The following MFN1 variants were observed in gnomAD, a reference collection of about 807,000 sequenced individuals.
MFN1 encodes mitofusin 1, also known as mitofusin-1.
A neutral mutation model predicts 92.4 loss-of-function variants in MFN1; 65 were observed. That is an observed-to-expected ratio of 0.70 (90% confidence interval 0.58 to 0.86). MFN1 has a LOEUF of 0.86. Ranked by LOEUF, MFN1 falls within the 40% of genes least tolerant of loss-of-function variation. The pLI is 0.00. For synonymous variants in MFN1, 297 were observed against 300.9 expected (o/e 0.99, Z 0.13); for missense variants, 781 against 868.0 (o/e 0.90, Z 1.26).
chr3:179,378,917 C>A, intron 14 of MFN1, 103 bp downstream of exon 14: 2 of 860,312 alleles, frequency 2.3e-6, no homozygotes, highest in Non-Finnish European at 3.6e-6. Context: ...CATTTAAAAG[C>A]TAGTATCTAT....
intron 14 of MFN1, among the ~76,000 whole-genome samples, chr3:179,385,357 A>G (rs1484130772): frequency 6.6e-6 from 1 of 151,562 alleles, no homozygotes; most frequent in African/African-American, 2.4e-5. Context: ...CCCATTGTAT[A>G]TTATGAAAAT....
At chr3:179,362,896 G>A (rs532664458) in intron 5 of MFN1, among the ~76,000 whole-genome samples, 70 of 152,256 alleles carry the variant, frequency 4.6e-4, no homozygotes, top group Middle Eastern at 3.4e-3. Flanking sequence ...AGTGTTTCAA[G>A]TAATCCATAG....
At chr3:179,366,834 T>G (rs1471655295) in intron 7 of MFN1, among the ~76,000 whole-genome samples, 6 of 152,236 alleles carry the variant, frequency 3.9e-5, no homozygotes, top group African/African-American at 1.4e-4. Context: ...CTTCTAACCC[T>G]TAATCTTCAC....
chr3:179,348,685 A>G, intron 1 of MFN1, 160 bp from the exon 2 acceptor site: 1 of 1,080,630 alleles, frequency 9.3e-7, no homozygotes, highest in East Asian at 2.8e-5. Context: ...AGTCGTCTCT[A>G]ACTGTCTGAC....
At chr3:179,382,600 C>T (rs1713514086) in intron 14 of MFN1, among the ~76,000 whole-genome samples, 1 of 152,162 alleles carries the variant, frequency 6.6e-6, no homozygotes, top group African/African-American at 2.4e-5. Flanking sequence ...AATGGGATGG[C>T]TGGGTCAGAT....
rs767662582 is a variant in MFN1 at position 179,365,178 on chromosome 3, A to C, written c.706A>C (p.Asn236His). The C allele has an allele frequency of 7.7e-6, 12 of 1,555,104 alleles. No individual in the cohort carries two copies. Among genetic ancestry groups the C allele is most frequent in the Non-Finnish European group, 1.0e-5 (12 of 1,160,094 alleles). Residue 236 changes from asparagine to histidine, a missense_variant, in exon 7 of 18, where the codon AAT becomes CAT. By Grantham distance (68) the Asn-to-His change is moderately conservative. Transcript: ENST00000471841. ...TTCCAAGCCTAATATTTTCATTCTC[A>C]ATAATCGTTGGGATGCCTCTGCATC... ...RLSKPNIFILNNRWDASASEP... is the reference protein window; with the variant it reads ...RLSKPNIFILHNRWDASASEP...
At chr3:179,350,908 GT>G (rs1712118435) in intron 2 of MFN1, among the ~76,000 whole-genome samples, 1 of 152,162 alleles carries the variant, frequency 6.6e-6, no homozygotes. Flanking sequence ...CCAGGTTGGA[GT>G]GCAGTGGCAC....
At position 179,365,126 on chromosome 3, in the gene MFN1, C is replaced by A; in HGVS notation, c.654C>A (p.His218Gln). The change falls in exon 7 of 18, where the codon CAC becomes CAA. Residue 218 changes from histidine (H) to glutamine (Q), a missense_variant. His to Gln is a conservative substitution (Grantham distance 24, BLOSUM62 0). Coordinates refer to ENST00000471841, the MANE Select transcript of MFN1 (RefSeq NM_033540.3). ...SESTLMNTEK[H>Q]FFHKVNERLS... Reference sequence around the variant, plus strand: ...TTTTTTTTGTTTTTCAGGAAAAACACTTTTTTCACAAGGTGAATGAGCGGC... The same window carrying A: ...TTTTTTTTGTTTTTCAGGAAAAACAATTTTTTCACAAGGTGAATGAGCGGC... 6.5e-7 allele frequency: 1 copy of A among 1,529,580 alleles called. No individual in the cohort carries two copies. Among genetic ancestry groups the A allele is most frequent in the Non-Finnish European group, 8.7e-7 (1 of 1,148,414 alleles). 94.8% of individuals were successfully genotyped at this position (1,529,580 alleles called of 1,614,324 possible).
intron 16 of MFN1, 88 bp downstream of exon 16, chr3:179,386,717 C>A: frequency 8.4e-7 from 1 of 1,188,172 alleles, no homozygotes. Context: ...GTGTATTGCT[C>A]AAAGAATTAT....
chr3:179,361,462 C>T (rs530913790), intron 4 of MFN1, among the ~76,000 whole-genome samples: 3 of 152,220 alleles, frequency 2.0e-5, no homozygotes, highest in East Asian at 1.9e-4. Context: ...CACCTTCCAC[C>T]TTTACCCCTG....
At chr3:179,352,940 T>G (rs1712205621) in intron 3 of MFN1, among the ~76,000 whole-genome samples, 1 of 151,144 alleles carries the variant, frequency 6.6e-6, no homozygotes, top group East Asian at 1.9e-4. Flanking sequence ...TTAGTAGAGG[T>G]GGGGTTTCAC....
intron 13 of MFN1, 53 bp downstream of exon 13, chr3:179,378,496 G>A: frequency 2.0e-6 from 3 of 1,518,138 alleles, no homozygotes; most frequent in Non-Finnish European, 2.7e-6. Flanking sequence ...ATTCATGACT[G>A]GTGAAGAGCT....
At chr3:179,370,389 GTTC>G (rs1712974108) in intron 9 of MFN1, among the ~76,000 whole-genome samples, 2 of 96,782 alleles carry the variant, frequency 2.1e-5, no homozygotes, top group Non-Finnish European at 4.2e-5. Context: ...CATTCACTAA[GTTC>G]TTTTTTTTTT....
chr3:179,362,666 C>T (rs1427767825), intron 5 of MFN1, among the ~76,000 whole-genome samples, 184 bp downstream of exon 5: 1 of 152,186 alleles, frequency 6.6e-6, no homozygotes, highest in African/African-American at 2.4e-5. Context: ...CAATTCATCA[C>T]TCTGATTCCA....
At chr3:179,349,935 T>A (rs921174163) in intron 2 of MFN1, among the ~76,000 whole-genome samples, 3 of 152,034 alleles carry the variant, frequency 2.0e-5, no homozygotes, top group African/African-American at 7.2e-5. Flanking sequence ...GCAGATTACC[T>A]GAGGTTAGGA....
intron 16 of MFN1, 119 bp from the exon 17 acceptor site, chr3:179,389,885 T>C: frequency 1.1e-6 from 1 of 881,798 alleles, no homozygotes; most frequent in Non-Finnish European, 1.7e-6. Flanking sequence ...CTTAGTGTTC[T>C]GATTCCCTAT....
intron 17 of MFN1, among the ~76,000 whole-genome samples, chr3:179,390,833 C>G (rs905351022): frequency 1.3e-5 from 2 of 152,216 alleles, no homozygotes; most frequent in Non-Finnish European, 2.9e-5. Context: ...TGTGTAAGAA[C>G]AGCTTAGTAG....
chr3:179,385,482 T>A, intron 14 of MFN1, 87 bp from the exon 15 acceptor site: 1 of 1,229,194 alleles, frequency 8.1e-7, no homozygotes, highest in Non-Finnish European at 1.1e-6. Context: ...CCCTCATAGA[T>A]GTGCTACTAT....
At position 179,351,942 on chromosome 3, in the gene MFN1, A is replaced by T. The variant is rs1365491588; in HGVS notation, c.155A>T (p.Asp52Val). 6.2e-7 allele frequency: 1 copy of T among 1,610,132 alleles called. No individual in the cohort carries two copies. ...GAACTTGATCGAATAGCCACTGAAG[A>T]TGATCTGGTAGAAATGCAAGGATAT... ...NPELDRIATE[D>V]DLVEMQGYKD... Residue 52 changes from aspartate to valine, a missense_variant, in exon 3 of 18, where the codon GAT becomes GTT. Asp to Val is a radical substitution (Grantham distance 152). Coordinates refer to ENST00000471841, the MANE Select transcript of MFN1 (RefSeq NM_033540.3).
Sources: gnomAD v4.1 joint callset for allele counts (sites outside exome capture counted in the v4.1 genomes callset) on GRCh38, gnomAD v4.1.1 for gene constraint, MANE v1.5 for transcripts, NCBI Gene and HGNC (gene_info 2026-07-23, HGNC 2026-07-21) for gene names.